ZMIZ1: variants seen among roughly 807,000 people sequenced by gnomAD.
ZMIZ1 encodes the protein zinc finger MIZ-type containing 1, also known as zinc finger MIZ domain-containing protein 1.
In ZMIZ1, 17 loss-of-function variants were observed where a neutral mutation model predicts 113.9. The ratio of observed to expected loss-of-function variants is 0.15; its 90% confidence interval spans 0.10 to 0.22. The LOEUF is 0.22. ZMIZ1 is among the 10% of genes least tolerant of loss of function. The pLI is 1.00. For missense variants in ZMIZ1, 1,059 were observed against 1,477.8 expected, an observed-to-expected ratio of 0.72 and a Z score of 4.65; for synonymous variants, 607 against 603.1, an observed-to-expected ratio of 1.01 and a Z score of -0.09.
chr10:79,112,418 C>T (rs1268879355), intron 1 of ZMIZ1, among the ~76,000 whole-genome samples: 4 of 152,118 alleles, frequency 2.6e-5, no homozygotes, highest in Non-Finnish European at 4.4e-5. Context: ...CAGACCCACT[C>T]GGCTCCATCA....
chr10:79,121,770 G>T (rs1419730195), intron 2 of ZMIZ1, among the ~76,000 whole-genome samples: 1 of 152,166 alleles, frequency 6.6e-6, no homozygotes, highest in Non-Finnish European at 1.5e-5. Context: ...GGATCCCCGG[G>T]AGGTGATATT....
At chr10:79,197,344 C>T (rs985665581) in intron 4 of ZMIZ1, among the ~76,000 whole-genome samples, 2 of 152,182 alleles carry the variant, frequency 1.3e-5, no homozygotes, top group Non-Finnish European at 2.9e-5. Flanking sequence ...TCCTTTGGCT[C>T]TGATGGGGCC....
At chr10:79,241,285 C>T (rs550360094) in intron 7 of ZMIZ1, among the ~76,000 whole-genome samples, 4 of 152,278 alleles carry the variant, frequency 2.6e-5, no homozygotes, top group Non-Finnish European at 2.9e-5. Context: ...GGTCAGTCAT[C>T]TGGAGGATCT....
chr10:79,166,152 C>T (rs369872535), intron 4 of ZMIZ1, among the ~76,000 whole-genome samples: 4 of 152,288 alleles, frequency 2.6e-5, no homozygotes, highest in South Asian at 2.1e-4. Flanking sequence ...CGCCGCCACA[C>T]GCCTCCCTGT....
rs1472455455 is a variant in ZMIZ1 at position 79,265,753 on chromosome 10, C to T, written c.281-11428C>T. Among the ~76,000 whole-genome samples the T allele has an allele frequency of 7.2e-5, 11 of 152,266 alleles. No homozygotes were observed. In the East Asian group the frequency reaches 1.7e-3, roughly 24 times the overall value. ...TTCTATAACCAAGGAGAAGGCCTAGCCCCTCAGCAGCCCCAGCAGCTGAGA... is the reference window on the plus strand; with the variant it reads ...TTCTATAACCAAGGAGAAGGCCTAGTCCCTCAGCAGCCCCAGCAGCTGAGA... On this transcript the variant is annotated intron_variant, in intron 7 of 24. Coordinates refer to ENST00000334512, the MANE Select transcript of ZMIZ1 (RefSeq NM_020338.4).
chr10:79,190,743 T>C (rs946963280), intron 4 of ZMIZ1, among the ~76,000 whole-genome samples: 1 of 152,086 alleles, frequency 6.6e-6, no homozygotes, highest in African/African-American at 2.4e-5. Context: ...GAAATAATAC[T>C]TGTTTGCAGG....
rs376147920 is a variant in ZMIZ1 at position 79,175,425 on chromosome 10, G to A, written c.-50+13292G>A. Among the ~76,000 whole-genome samples, 7 of 152,176 alleles carry A rather than the reference G, an allele frequency of 4.6e-5. No individual in the cohort carries two copies. The East Asian group carries it at 5.8e-4, about 13-fold the overall frequency. The stretch of plus-strand genomic sequence containing the variant: ...CACCCATTTTTGTCTGTCTGGCATC[G>A]TGTCTCTCACTTGGGTTTGTCCTGC... On this transcript the variant is annotated intron_variant, in intron 4 of 24. Transcript: ENST00000334512.
intron 7 of ZMIZ1, among the ~76,000 whole-genome samples, chr10:79,244,903 A>G (rs138221556): frequency 4.5e-4 from 68 of 152,212 alleles, no homozygotes; most frequent in African/African-American, 1.6e-3. Context: ...CCCATCTGCT[A>G]TGGAGGAAAG....
At chr10:79,089,832 A>G (rs370501698) in intron 1 of ZMIZ1, among the ~76,000 whole-genome samples, 8 of 151,218 alleles carry the variant, frequency 5.3e-5, no homozygotes, top group South Asian at 2.1e-4. Flanking sequence ...ACCCAGGCAC[A>G]TGTCCATGTG....
chr10:79,216,470 A>T (rs1409417778), intron 7 of ZMIZ1, 196 bp downstream of exon 7: 2 of 477,770 alleles, frequency 4.2e-6, no homozygotes, highest in African/African-American at 4.1e-5. Context: ...TCTCCCAGGG[A>T]GTATACTTGC....
chr10:79,184,219 T>G (rs1387955313), intron 4 of ZMIZ1, among the ~76,000 whole-genome samples: 2 of 152,174 alleles, frequency 1.3e-5, no homozygotes, highest in Non-Finnish European at 2.9e-5. Flanking sequence ...GGAACCTCTG[T>G]CTTCCTTCCA....
intron 22 of ZMIZ1, 80 bp downstream of exon 22, chr10:79,306,424 T>G: frequency 6.4e-7 from 1 of 1,563,542 alleles, no homozygotes; most frequent in African/African-American, 1.3e-5. Context: ...TCTGTGCTGA[T>G]GGTGGCAGGG....
chr10:79,212,873 A>G (rs924642339), intron 6 of ZMIZ1, among the ~76,000 whole-genome samples: 1 of 152,034 alleles, frequency 6.6e-6, no homozygotes, highest in African/African-American at 2.4e-5. Context: ...AAGTGCTGGG[A>G]TTACAGGTGT....
At chr10:79,226,479 G>C (rs1249651083) in intron 7 of ZMIZ1, among the ~76,000 whole-genome samples, 2 of 152,230 alleles carry the variant, frequency 1.3e-5, no homozygotes, top group African/African-American at 2.4e-5. Context: ...CACTGCCCCA[G>C]GTTGCCCTGA....
intron 5 of ZMIZ1, among the ~76,000 whole-genome samples, chr10:79,204,656 A>G (rs1007813938): frequency 6.6e-6 from 1 of 152,236 alleles, no homozygotes; most frequent in Non-Finnish European, 1.5e-5. Flanking sequence ...AGAGTCTAGC[A>G]TAGCATCCAG....
rs546487021 is a variant in ZMIZ1 at position 79,272,215 on chromosome 10, G to A, written c.281-4966G>A. On this transcript the variant is annotated intron_variant, in intron 7 of 24. Coordinates refer to ENST00000334512, the MANE Select transcript of ZMIZ1 (RefSeq NM_020338.4). The stretch of plus-strand genomic sequence containing the variant: ...GCACAAGAATCGCTTGAATCCGGGA[G>A]GCAGATGTTGCAGTGAGCCAAGATC... Among the ~76,000 whole-genome samples, 57 of 148,954 alleles carry A rather than the reference G, an allele frequency of 3.8e-4. 1 individual carries two copies. The South Asian group carries it at 0.012, about 31-fold the overall frequency.
chr10:79,125,242 A>G (rs977065488), intron 2 of ZMIZ1, among the ~76,000 whole-genome samples: 1 of 152,186 alleles, frequency 6.6e-6, no homozygotes, highest in African/African-American at 2.4e-5. Context: ...CCCATCTGCC[A>G]TGGGCCTGAC....
chr10:79,208,132 G>A (rs1348127032), intron 5 of ZMIZ1, among the ~76,000 whole-genome samples: 1 of 136,458 alleles, frequency 7.3e-6, no homozygotes, highest in Non-Finnish European at 1.6e-5. Flanking sequence ...TGGAGGTGGG[G>A]GTGGGGGGGG....
chr10:79,315,626 T>C lies in ZMIZ1; in HGVS notation c.*2877T>C, dbSNP rs938046610. Reference sequence around the variant, plus strand: ...TGTATCATGTTCCGTGTAGCCATTTTATTTTTTAAGAAACTGCTAATACTT... The same window carrying C: ...TGTATCATGTTCCGTGTAGCCATTTCATTTTTTAAGAAACTGCTAATACTT... On this transcript the variant is annotated 3_prime_UTR_variant, in exon 25 of 25. Coordinates refer to ENST00000334512, the MANE Select transcript of ZMIZ1 (RefSeq NM_020338.4). 1.3e-5 allele frequency: 2 copies of C among 152,806 alleles called. No individual in the cohort carries two copies. Among genetic ancestry groups the C allele is most frequent in the Non-Finnish European group, 2.9e-5 (2 of 68,056 alleles). 9.5% of individuals were successfully genotyped at this position (152,806 alleles called of 1,614,324 possible).
Sources: gnomAD v4.1 joint callset for allele counts (sites outside exome capture counted in the v4.1 genomes callset) on GRCh38, gnomAD v4.1.1 for gene constraint, MANE v1.5 for transcripts, NCBI Gene and HGNC (gene_info 2026-07-23, HGNC 2026-07-21) for gene names.